Variants in YPEL2 observed in about 807,000 individuals in gnomAD.
The protein encoded by YPEL2 is yippee like 2, also known as protein yippee-like 2.
In YPEL2, 2 loss-of-function variants were observed where a neutral mutation model predicts 19.1. The ratio of observed to expected loss-of-function variants is 0.10; its 90% CI spans 0.04 to 0.33. The LOEUF is 0.33. Among genes scored for constraint, YPEL2 ranks in the 10% least tolerant of loss-of-function variants. The pLI, the probability that YPEL2 is intolerant of heterozygous loss-of-function variation, is 1.00. For missense variants in YPEL2, 66 were observed against 140.7 expected, an observed-to-expected ratio of 0.47 and a Z score of 2.68; for synonymous variants, 52 against 50.0, an observed-to-expected ratio of 1.04 and a Z score of -0.17.
chr17:59,395,486 ATG>A (rs991985875), intron 4 of YPEL2, among the ~76,000 whole-genome samples: 1 of 152,180 alleles, frequency 6.6e-6, no homozygotes, highest in Admixed American at 6.5e-5. Flanking sequence ...AGATGTTCTT[ATG>A]TGTGTATCTC....
At chr17:59,352,641 T>C (rs912198142) in intron 1 of YPEL2, among the ~76,000 whole-genome samples, 1 of 152,270 alleles carries the variant, frequency 6.6e-6, no homozygotes, top group Non-Finnish European at 1.5e-5. Context: ...GGCTTAGCAC[T>C]AGGGATCCTG....
intron 1 of YPEL2, among the ~76,000 whole-genome samples, chr17:59,349,453 G>C (rs535287297): frequency 2.1e-5 from 3 of 146,328 alleles, no homozygotes; most frequent in African/African-American, 7.6e-5. Flanking sequence ...ACCTGCCTCA[G>C]CCTCTCGAGT....
chr17:59,384,037 G>T (rs2047968058), intron 2 of YPEL2, among the ~76,000 whole-genome samples: 1 of 152,186 alleles, frequency 6.6e-6, no homozygotes. Context: ...GAAATTGCCA[G>T]ACTCGTTTCC....
intron 3 of YPEL2, chr17:59,388,862 G>A (rs141421641): frequency 1.6e-5 from 3 of 189,628 alleles, no homozygotes; most frequent in Admixed American, 5.3e-5. Flanking sequence ...CTGATAAACT[G>A]TAAAAATGAA....
chr17:59,353,898 A>C lies in YPEL2; in HGVS notation c.117+372A>C. 3.1e-6 allele frequency: 1 copy of C among 320,196 alleles called. No individual in the cohort carries two copies. The highest frequency in any genetic ancestry group is 2.6e-5 in the South Asian group (1 of 38,314). The allele number at this position is 320,196 out of a possible 1,614,324, so 19.8% of individuals were successfully genotyped here. On this transcript the variant is annotated intron_variant, in intron 2 of 4. Transcript: ENST00000312655. The surrounding 1 kb of genome is among the most constrained non-coding windows in gnomAD (Gnocchi z 4.8). ...AGGTGAATTCTGATAAAGCAGGGGAATGTCTTGTAAGAGGGGTTCCTTAGC... is the reference window on the plus strand; with the variant it reads ...AGGTGAATTCTGATAAAGCAGGGGACTGTCTTGTAAGAGGGGTTCCTTAGC...
At chr17:59,365,067 CAA>C (rs2047861712) in intron 2 of YPEL2, among the ~76,000 whole-genome samples, 2 of 152,198 alleles carry the variant, frequency 1.3e-5, no homozygotes, top group South Asian at 4.1e-4. Flanking sequence ...GATAAGTGCT[CAA>C]TAAATGTTGG....
At chr17:59,348,851 T>C (rs1023198958) in intron 1 of YPEL2, among the ~76,000 whole-genome samples, 3 of 152,116 alleles carry the variant, frequency 2.0e-5, no homozygotes, top group Admixed American at 6.6e-5. Flanking sequence ...AAAATTAGAA[T>C]GATGAGTTAA....
At chr17:59,390,265 G>C (rs1013928275) in intron 4 of YPEL2, among the ~76,000 whole-genome samples, 1 of 152,092 alleles carries the variant, frequency 6.6e-6, no homozygotes, top group Non-Finnish European at 1.5e-5. Context: ...GGCTCCCAAA[G>C]TGCTGGGATT....
intron 1 of YPEL2, among the ~76,000 whole-genome samples, chr17:59,334,607 C>T (rs934488885): frequency 8.7e-5 from 13 of 149,608 alleles, no homozygotes; most frequent in Non-Finnish European, 1.5e-4. Context: ...CACACACACA[C>T]GCCTGATGCA....
chr17:59,332,159 A>G (rs1177911123), intron 1 of YPEL2, among the ~76,000 whole-genome samples: 3 of 151,230 alleles, frequency 2.0e-5, no homozygotes, highest in African/African-American at 7.3e-5. Context: ...GGGGGTGCGG[A>G]GCTGGAATCG....
intron 2 of YPEL2, among the ~76,000 whole-genome samples, chr17:59,370,852 C>T (rs2047893627): frequency 6.6e-6 from 1 of 151,820 alleles, no homozygotes; most frequent in Non-Finnish European, 1.5e-5. Context: ...ACAAGAGGAA[C>T]TCAAGAGTCA....
At chr17:59,383,573 CAAAAAAAAAAAAAAAAAAAA>C (rs1159710758) in intron 2 of YPEL2, among the ~76,000 whole-genome samples, 1 of 26,164 alleles carries the variant, frequency 3.8e-5, no homozygotes, top group East Asian at 2.0e-3. Flanking sequence ...GACTCTGTCT[CAAAAAAAAAAAAAAAAAAAA>C]AAAAAAAAAA....
intron 2 of YPEL2, among the ~76,000 whole-genome samples, chr17:59,385,721 TGTG>T (rs979104164): frequency 6.6e-6 from 1 of 152,174 alleles, no homozygotes; most frequent in Admixed American, 6.5e-5. Context: ...TAATCTTTAT[TGTG>T]GTGATGTTTT....
chr17:59,379,559 A>G (rs1407459665), intron 2 of YPEL2, among the ~76,000 whole-genome samples: 3 of 152,348 alleles, frequency 2.0e-5, no homozygotes, highest in East Asian at 1.9e-4. Flanking sequence ...GAGCAAATCC[A>G]TAGAGACCGA....
intron 1 of YPEL2, among the ~76,000 whole-genome samples, chr17:59,336,059 G>T (rs1362359685): frequency 2.0e-5 from 3 of 152,132 alleles, no homozygotes; most frequent in Admixed American, 1.3e-4. Flanking sequence ...TCTCTGTCTT[G>T]CTTGCTGCTG....
At chr17:59,343,162 T>A (rs1781633304) in intron 1 of YPEL2, among the ~76,000 whole-genome samples, 1 of 152,202 alleles carries the variant, frequency 6.6e-6, no homozygotes, top group South Asian at 2.1e-4. Context: ...TGTAGAGCAT[T>A]AATGGTGTGT....
At chr17:59,389,002 C>G in intron 3 of YPEL2, 1 of 303,554 alleles carries the variant, frequency 3.3e-6, no homozygotes, top group South Asian at 4.2e-5. Context: ...TCATTCAGTC[C>G]TCAGTAAGCT....
intron 1 of YPEL2, among the ~76,000 whole-genome samples, chr17:59,340,860 G>A (rs1451917541): frequency 3.3e-5 from 5 of 151,254 alleles, no homozygotes; most frequent in South Asian, 2.1e-4. Context: ...GATTACAGGC[G>A]TGTGCCACCA....
intron 4 of YPEL2, among the ~76,000 whole-genome samples, chr17:59,392,173 C>G (rs182401607): frequency 6.6e-6 from 1 of 152,290 alleles, no homozygotes; most frequent in African/African-American, 2.4e-5. Flanking sequence ...GTTTCCCAGC[C>G]TCTTGGCTGT....
Sources: gnomAD v4.1 joint callset for allele counts (sites outside exome capture counted in the v4.1 genomes callset) on GRCh38, gnomAD v4.1.1 for gene constraint, Gnocchi (gnomAD v3.1) non-coding constraint, MANE v1.5 for transcripts, NCBI Gene and HGNC (gene_info 2026-07-23, HGNC 2026-07-21) for gene names.